The following CDYL variants were observed in gnomAD, a reference collection of about 807,000 sequenced individuals.
The protein encoded by CDYL is chromodomain Y like.
A neutral mutation model predicts 47.3 loss-of-function variants in CDYL; 8 were observed. That is an observed-to-expected ratio of 0.17 (90% confidence interval 0.10 to 0.31). The LOEUF is 0.31. Among genes scored for constraint, CDYL ranks in the 10% least tolerant of loss-of-function variants. The probability of loss-of-function intolerance (pLI) is 1.00; values close to 1 mark genes in which losing one functional copy is unlikely to be tolerated. For missense variants in CDYL, 471 were observed against 701.4 expected (o/e 0.67, Z 3.71); for synonymous variants, 266 against 265.0 (o/e 1.00, Z -0.04).
At chr6:4,796,379 T>C (rs1759073745) in intron 1 of CDYL, among the ~76,000 whole-genome samples, 1 of 152,218 alleles carries the variant, frequency 6.6e-6, no homozygotes, top group Non-Finnish European at 1.5e-5. Context: ...TTATAAAATA[T>C]TTTATATTGG....
intron 1 of CDYL, among the ~76,000 whole-genome samples, chr6:4,875,735 C>G (rs533216298): frequency 6.6e-6 from 1 of 152,174 alleles, no homozygotes; most frequent in Non-Finnish European, 1.5e-5. Flanking sequence ...TTTTCCCTCA[C>G]CTTTTTTAAT....
intron 2 of CDYL, among the ~76,000 whole-genome samples, chr6:4,722,727 A>C (rs1471912049): frequency 6.6e-6 from 1 of 152,188 alleles, no homozygotes; most frequent in Non-Finnish European, 1.5e-5. Flanking sequence ...AAATACAAAA[A>C]TTAGCTGGAT....
chr6:4,767,287 G>T (rs1758269865), intron 3 of CDYL, among the ~76,000 whole-genome samples: 2 of 151,712 alleles, frequency 1.3e-5, no homozygotes, highest in Admixed American at 6.6e-5. Flanking sequence ...AGAAAACTAG[G>T]ATGGAGACTG....
chr6:4,811,608 C>CTT (rs397975784), intron 1 of CDYL, among the ~76,000 whole-genome samples: 86 of 126,724 alleles, frequency 6.8e-4, no homozygotes, highest in South Asian at 1.0e-3. Flanking sequence ...TGACATTATT[C>CTT]TTTTTTTTTT....
chr6:4,795,426 G>A (rs1759042750), intron 1 of CDYL, among the ~76,000 whole-genome samples: 1 of 151,972 alleles, frequency 6.6e-6, no homozygotes, highest in South Asian at 2.1e-4. Context: ...TCTCTTCTCA[G>A]TTTTTAGAAT....
At chr6:4,784,939 G>GA (rs1335473059) in intron 1 of CDYL, among the ~76,000 whole-genome samples, 5,873 of 152,240 alleles carry the variant, frequency 0.039, 384 homozygotes, top group African/African-American at 0.13. Flanking sequence ...CATGTAACGT[G>GA]TGACCTTGCT....
chr6:4,772,982 G>A (rs1364424791), upstream of CDYL: 4 of 378,122 alleles, frequency 1.1e-5, no homozygotes, highest in Non-Finnish European at 2.1e-5. Flanking sequence ...GACATGCCTG[G>A]TTTGGCTGGT....
Position 4,943,588 on chromosome 6 carries a change from T to C in CDYL, c.1164T>C (p.Ile388=), listed in dbSNP as rs1481968544. The change falls in exon 5 of 7, where the codon ATT becomes ATC. Residue 388 remains isoleucine, a synonymous_variant. Coordinates refer to ENST00000397588, the MANE Select transcript of CDYL (RefSeq NM_004824.4). ...TCATTCAATTTAAGAAGCCCATTAT[T>C]GTAGCAGTCAATGGCCCAGCCATTG... ...NTFIQFKKPI[I]VAVNGPAIGL... is the part of the protein sequence containing the mutation. 2 of 1,611,746 alleles carry C rather than the reference T, an allele frequency of 1.2e-6. No homozygotes were observed. Among genetic ancestry groups the C allele is most frequent in the Non-Finnish European group, 1.7e-6 (2 of 1,178,228 alleles).
At chr6:4,930,240 C>G (rs1348673771) in intron 2 of CDYL, among the ~76,000 whole-genome samples, 4 of 152,210 alleles carry the variant, frequency 2.6e-5, no homozygotes, top group African/African-American at 7.2e-5. Flanking sequence ...GTTCACTGCC[C>G]AGCCTTGTGG....
At chr6:4,776,139 C>T (rs1447770149), upstream of CDYL, among the ~76,000 whole-genome samples, 84 of 143,316 alleles carry the variant, frequency 5.9e-4, no homozygotes, top group Middle Eastern at 7.0e-3. Context: ...CTGGGGAAGT[C>T]GGAGCCCCGC....
intron 1 of CDYL, among the ~76,000 whole-genome samples, chr6:4,861,181 C>T (rs941878639): frequency 1.3e-5 from 2 of 152,192 alleles, no homozygotes; most frequent in African/African-American, 4.8e-5. Flanking sequence ...AATGGGAAGC[C>T]TATCTGTGTC....
intron 1 of CDYL, among the ~76,000 whole-genome samples, chr6:4,787,924 A>G (rs970143991): frequency 6.6e-6 from 1 of 151,708 alleles, no homozygotes; most frequent in Admixed American, 6.6e-5. Flanking sequence ...GGTGTGCGCC[A>G]CCACGCCTGG....
chr6:4,733,599 A>G lies in CDYL; in HGVS notation c.104-1163A>G, dbSNP rs543100821. On this transcript the variant is annotated intron_variant, in intron 2 of 8. Transcript: ENST00000328908. ...TCCCCTTCCTTACTCCTTGTGCTGA[A>G]CAGACAGCCTTTTAGTCACTCAGTT... 1.3e-3 allele frequency among the ~76,000 whole-genome samples: 201 copies of G among 152,302 alleles called. 4 individuals carry two copies. The highest frequency in any genetic ancestry group is 3.9e-3 in the Admixed American group (60 of 15,300).
chr6:4,728,279 A>T (rs1173904117), intron 2 of CDYL, among the ~76,000 whole-genome samples: 1 of 152,064 alleles, frequency 6.6e-6, no homozygotes, highest in Admixed American at 6.5e-5. Flanking sequence ...GCTTAGGAGG[A>T]CTTTGCCTCG....
chr6:4,891,781 C>T lies in CDYL; in HGVS notation c.93C>T (p.Gly31=), dbSNP rs61747454. 2,301 of 1,614,014 alleles carry T rather than the reference C, an allele frequency of 1.4e-3. 28 individuals are homozygous for T. In the African/African-American group the frequency reaches 0.027, roughly 19 times the overall value. Residue 31 remains glycine, a synonymous_variant, in exon 2 of 7, where the codon GGC becomes GGT. Coordinates refer to ENST00000397588, the MANE Select transcript of CDYL (RefSeq NM_004824.4). ...CAGAGTATTTGGTTCGGTGGAAAGG[C>T]TATGACAGCGAGGACGACACTTGGG... ...GKTEYLVRWK[G]YDSEDDTWEP...
intron 1 of CDYL, chr6:4,836,340 C>CTTTCAGAA (rs1760305793): frequency 2.4e-6 from 2 of 819,210 alleles, no homozygotes; most frequent in Non-Finnish European, 2.9e-6. Context: ...TATACGTGTG[C>CTTTCAGAA]TTTCAGAATT....
chr6:4,764,415 G>A lies in CDYL; in HGVS notation c.186+29571G>A, dbSNP rs546511828. Among the ~76,000 whole-genome samples the A allele has an allele frequency of 3.9e-5, 6 of 152,160 alleles. No homozygotes were observed. In the East Asian group the frequency reaches 9.7e-4, roughly 25 times the overall value. On this transcript the variant is annotated intron_variant, in intron 3 of 8. Transcript: ENST00000328908. ...AAAGATTCTCCTGCCTCAGCCTCCT[G>A]AGTAGCTGGGATTACAGGCGCACAC...
chr6:4,796,187 C>T (rs1316914465), intron 1 of CDYL, among the ~76,000 whole-genome samples: 1 of 152,146 alleles, frequency 6.6e-6, no homozygotes, highest in African/African-American at 2.4e-5. Flanking sequence ...CCTGCCTCGG[C>T]CTCACAAAGT....
chr6:4,935,214 C>G (rs1180565257), intron 2 of CDYL, among the ~76,000 whole-genome samples: 1 of 152,206 alleles, frequency 6.6e-6, no homozygotes, highest in Non-Finnish European at 1.5e-5. Flanking sequence ...GAGACCCATT[C>G]TGTCTTGATT....
Sources: gnomAD v4.1 joint callset for allele counts (sites outside exome capture counted in the v4.1 genomes callset) on GRCh38, gnomAD v4.1.1 for gene constraint, MANE v1.5 for transcripts, NCBI Gene and HGNC (gene_info 2026-07-23, HGNC 2026-07-21) for gene names.